NPFFR1: variants seen among roughly 807,000 people sequenced by gnomAD.
The protein encoded by NPFFR1 is neuropeptide FF receptor 1, also known as G-protein coupled receptor 147.
NPFFR1 carries 17 observed loss-of-function variants against 12.7 expected under a neutral mutation model. That is an observed-to-expected ratio of 1.34 (90% CI 0.92 to 2.01). The LOEUF (loss-of-function observed/expected upper bound fraction) is 2.01, where lower values mean the gene tolerates loss of function less well. NPFFR1 is among the 30% of genes most tolerant of loss of function. The pLI, the probability that NPFFR1 is intolerant of heterozygous loss-of-function variation, is 0.00. For missense variants in NPFFR1, 604 were observed against 606.5 expected (o/e 1.00, Z 0.04); for synonymous variants, 296 against 264.5 (o/e 1.12, Z -1.16).
At chr10:70,260,360 A>C (rs1337693692) in intron 3 of NPFFR1, among the ~76,000 whole-genome samples, 1 of 152,062 alleles carries the variant, frequency 6.6e-6, no homozygotes, top group African/African-American at 2.4e-5. Context: ...GGAAATAAGG[A>C]CTGCTCTTGA....
chr10:70,279,604 T>A (rs1293044247), intron 1 of NPFFR1, among the ~76,000 whole-genome samples: 1 of 152,000 alleles, frequency 6.6e-6, no homozygotes, highest in Non-Finnish European at 1.5e-5. Context: ...GGATTACAAG[T>A]GTGTGCCACC....
In NPFFR1 at chr10:70,254,016, G is replaced by A. The variant is rs1447642421; in HGVS notation, c.*941C>T. On this transcript the variant is annotated 3_prime_UTR_variant, in exon 4 of 4. Coordinates refer to ENST00000277942, the MANE Select transcript of NPFFR1 (RefSeq NM_022146.5). ...ACTTCTCCCTCCCAGGAAGCAGGGA[G>A]GAGAGAGACCTTGGGCAAGGCTTTG... 6.6e-6 allele frequency: 1 copy of A among 152,252 alleles called. No homozygotes were observed. Among genetic ancestry groups the A allele is most frequent in the African/African-American group, 2.4e-5 (1 of 41,456 alleles). 9.4% of individuals were successfully genotyped at this position (152,252 alleles called of 1,614,324 possible). A position where few individuals can be genotyped will look rare whatever the true frequency, so the allele number is the denominator to read the frequency against.
Position 70,283,802 on chromosome 10 carries a change from G to A in NPFFR1, c.-126C>T. The A allele has an allele frequency of 1.8e-6, 2 of 1,091,816 alleles. No individual in the cohort carries two copies. Among genetic ancestry groups the A allele is most frequent in the Non-Finnish European group, 1.3e-6 (1 of 755,070 alleles). The allele number at this position is 1,091,816 out of a possible 1,614,324, so 67.6% of individuals were successfully genotyped here. On this transcript the variant is annotated 5_prime_UTR_variant, in exon 1 of 4. Transcript: ENST00000277942. ...GGCTGCGCCCCTGCCTCCGCGCTCC[G>A]CAGGTCCGGTCGGTCCGGGCAGAGG...
chr10:70,262,809 G>A (rs556253086), intron 2 of NPFFR1, among the ~76,000 whole-genome samples: 1 of 152,118 alleles, frequency 6.6e-6, no homozygotes, highest in Non-Finnish European at 1.5e-5. Flanking sequence ...TCTGTCCCTT[G>A]AGAGCACCTA....
chr10:70,277,853 C>A (rs1840819958), intron 1 of NPFFR1: 1 of 475,546 alleles, frequency 2.1e-6, no homozygotes, highest in South Asian at 1.5e-5. Context: ...GAGGGGAAGG[C>A]AAATGAGGGT....
At chr10:70,258,319 CTCCTGGAGAAGTCTACTG>C (rs2136792985) in intron 3 of NPFFR1, among the ~76,000 whole-genome samples, 1 of 150,234 alleles carries the variant, frequency 6.7e-6, no homozygotes, top group Non-Finnish European at 1.5e-5. Context: ...AAAAAAAAAG[CTCCTGGAGAAGTCTACTG>C]TGCAACCAGA....
chr10:70,283,461 G>GCA (rs147856655), intron 1 of NPFFR1, among the ~76,000 whole-genome samples: 5 of 142,992 alleles, frequency 3.5e-5, no homozygotes, highest in South Asian at 2.3e-4. Flanking sequence ...ACATACACAC[G>GCA]CACACACACA....
At chr10:70,267,611 G>T (rs145496502) in intron 1 of NPFFR1, among the ~76,000 whole-genome samples, 17 of 152,216 alleles carry the variant, frequency 1.1e-4, no homozygotes, top group Admixed American at 2.0e-4. Context: ...CGAAGGGAAG[G>T]CTCAGTGTCC....
intron 3 of NPFFR1, among the ~76,000 whole-genome samples, chr10:70,257,639 G>A (rs1477979391): frequency 6.6e-6 from 1 of 152,244 alleles, no homozygotes; most frequent in Non-Finnish European, 1.5e-5. Context: ...CCCAACACCT[G>A]TAAAGGGTCT....
At position 70,254,959 on chromosome 10, in the gene NPFFR1, A is replaced by G. The variant is rs558450727; in HGVS notation, c.1291T>C (p.Ter431ArgextTer48). The change falls in exon 4 of 4, where the codon TGA becomes CGA. Residue 431 changes from the stop codon to arginine (R), a stop_lost. Coordinates refer to ENST00000277942, the MANE Select transcript of NPFFR1 (RefSeq NM_022146.5). ...CGTCCCGCCCTCCCTGGACCCCCTCAGATATCCCAGGCTGGAATGGTGAGG... is the reference window on the plus strand; with the variant it reads ...CGTCCCGCCCTCCCTGGACCCCCTCGGATATCCCAGGCTGGAATGGTGAGG... ...LPLTIPAWDI[*>R] 107 of 1,426,534 alleles carry G rather than the reference A, an allele frequency of 7.5e-5. No individual in the cohort carries two copies. The highest frequency in any genetic ancestry group is 9.1e-5 in the Non-Finnish European group (100 of 1,096,812). 88.4% of individuals were successfully genotyped at this position (1,426,534 alleles called of 1,614,324 possible).
chr10:70,257,879 CAT>C (rs1840589405), intron 3 of NPFFR1, among the ~76,000 whole-genome samples: 1 of 152,206 alleles, frequency 6.6e-6, no homozygotes, highest in Non-Finnish European at 1.5e-5. Flanking sequence ...TGGAGAGAAA[CAT>C]AAATCTGGCT....
intron 3 of NPFFR1, among the ~76,000 whole-genome samples, chr10:70,260,018 C>T (rs1840616456): frequency 6.6e-6 from 1 of 152,214 alleles, no homozygotes; most frequent in Admixed American, 6.5e-5. Flanking sequence ...GAGGAGCACT[C>T]ATGTAGTGCA....
chr10:70,277,916 T>C (rs1840821276), intron 1 of NPFFR1: 2 of 511,140 alleles, frequency 3.9e-6, no homozygotes, highest in African/African-American at 1.9e-5. Context: ...GACTGCAGTG[T>C]CTGTCTCTAG....
intron 1 of NPFFR1, among the ~76,000 whole-genome samples, chr10:70,269,659 A>G (rs1321832804): frequency 6.6e-6 from 1 of 151,958 alleles, no homozygotes; most frequent in African/African-American, 2.4e-5. Flanking sequence ...TTACAGGTGC[A>G]TGCCACCACA....
intron 3 of NPFFR1, among the ~76,000 whole-genome samples, chr10:70,260,369 G>C (rs1244352023): frequency 6.6e-6 from 1 of 152,138 alleles, no homozygotes; most frequent in African/African-American, 2.4e-5. Flanking sequence ...GACTGCTCTT[G>C]AGCTCCTCAC....
intron 1 of NPFFR1, among the ~76,000 whole-genome samples, chr10:70,271,235 A>G (rs1292805663): frequency 6.6e-6 from 1 of 152,236 alleles, no homozygotes; most frequent in East Asian, 1.9e-4. Context: ...AACAGAGGCC[A>G]GGTGCCATGG....
rs1338956492 is a variant in NPFFR1, at chr10:70,255,538, G to T, written c.712C>A (p.Arg238Ser). 14 of 1,549,816 alleles carry T rather than the reference G, an allele frequency of 9.0e-6. 1 individual carries two copies. Among genetic ancestry groups the T allele is most frequent in the African/African-American group, 1.4e-5 (1 of 73,136 alleles). ...GCCTGGCAGAGCTTGCGCGCGATGC[G>T]GGCGTACATGACCACGATGAGCGCC... ...PLALIVVMYA[R>S]IARKLCQAPG... The change falls in exon 4 of 4, where the codon CGC becomes AGC. Residue 238 changes from arginine to serine, a missense_variant. Coordinates refer to ENST00000277942, the MANE Select transcript of NPFFR1 (RefSeq NM_022146.5). This position sits in a 1 kb window ranked among gnomAD's most constrained non-coding sequence, Gnocchi z 4.2.
In NPFFR1 at chr10:70,249,970, G is replaced by A. The variant is rs1840494434; in HGVS notation, c.*4987C>T. Reference sequence around the variant, plus strand: ...CTGTCACCCAGGTTGGAGTGCAGTGGCGCAATTTTGGCTCACTGCATCCTC... The same window carrying A: ...CTGTCACCCAGGTTGGAGTGCAGTGACGCAATTTTGGCTCACTGCATCCTC... On this transcript the variant is annotated 3_prime_UTR_variant, in exon 4 of 4. Transcript: ENST00000277942. The A allele has an allele frequency of 6.7e-6, 1 of 148,834 alleles. No homozygotes were observed. Among genetic ancestry groups the A allele is most frequent in the Admixed American group, 6.7e-5 (1 of 14,904 alleles). 9.2% of individuals were successfully genotyped at this position (148,834 alleles called of 1,614,324 possible).
At chr10:70,265,090 C>CAGT (rs1840675877) in intron 2 of NPFFR1, among the ~76,000 whole-genome samples, 1 of 152,198 alleles carries the variant, frequency 6.6e-6, no homozygotes, top group Non-Finnish European at 1.5e-5. Context: ...GGTAACGGTT[C>CAGT]CACCAGACAG....
Sources: gnomAD v4.1 joint callset for allele counts (sites outside exome capture counted in the v4.1 genomes callset) on GRCh38, gnomAD v4.1.1 for gene constraint, Gnocchi (gnomAD v3.1) non-coding constraint, MANE v1.5 for transcripts, NCBI Gene and HGNC (gene_info 2026-07-23, HGNC 2026-07-21) for gene names.